The following MYCBP2 variants were observed in gnomAD, a reference collection of about 807,000 sequenced individuals.
MYCBP2 encodes the protein MYC binding protein 2, also known as E3 ubiquitin-protein ligase MYCBP2.
Under a neutral mutation model 525.3 loss-of-function variants are expected in MYCBP2, and 120 were observed. That is an observed-to-expected ratio of 0.23 (90% CI 0.20 to 0.27). The LOEUF (loss-of-function observed/expected upper bound fraction) is 0.27, where lower values mean the gene tolerates loss of function less well. MYCBP2 is among the 10% of genes least tolerant of loss of function. The probability of loss-of-function intolerance (pLI) is 1.00; values close to 1 mark genes in which losing one functional copy is unlikely to be tolerated. For synonymous variants in MYCBP2, 1,894 were observed against 1,955.8 expected (o/e 0.97, Z 0.83); for missense variants, 4,149 against 5,657.1 (o/e 0.73, Z 8.55).
chr13:77,230,692 C>G (rs2067006310), intron 18 of MYCBP2, among the ~76,000 whole-genome samples: 1 of 152,188 alleles, frequency 6.6e-6, no homozygotes, highest in Non-Finnish European at 1.5e-5. Flanking sequence ...AGCAAAGGTA[C>G]CTCAGCCACC....
chr13:77,282,554 A>G (rs1240724559), intron 3 of MYCBP2, among the ~76,000 whole-genome samples: 1 of 152,204 alleles, frequency 6.6e-6, no homozygotes, highest in Non-Finnish European at 1.5e-5. Flanking sequence ...TCAACTTTTC[A>G]AAGCTATTTT....
intron 1 of MYCBP2, among the ~76,000 whole-genome samples, chr13:77,315,711 G>A (rs541676885): frequency 1.3e-5 from 2 of 151,978 alleles, no homozygotes; most frequent in South Asian, 2.1e-4. Flanking sequence ...AGTGGCCAAC[G>A]TGGTGAAATC....
intron 55 of MYCBP2, among the ~76,000 whole-genome samples, chr13:77,119,557 C>CA (rs1028526342): frequency 6.6e-6 from 1 of 151,772 alleles, no homozygotes; most frequent in Non-Finnish European, 1.5e-5. Flanking sequence ...AAAAAACTTA[C>CA]AAAAAACAGC....
intron 54 of MYCBP2, among the ~76,000 whole-genome samples, chr13:77,124,955 G>C (rs1222522318): frequency 6.6e-6 from 1 of 152,178 alleles, no homozygotes; most frequent in Non-Finnish European, 1.5e-5. Context: ...GCAATCAAAT[G>C]AAGTTGCCTG....
chr13:77,095,283 G>A (rs1357422999), intron 58 of MYCBP2, 75 bp downstream of exon 58: 16 of 1,549,318 alleles, frequency 1.0e-5, no homozygotes, highest in Middle Eastern at 1.8e-4. Context: ...GTCAAATACC[G>A]AACTACCCTA....
chr13:77,307,286 CTCTT>C (rs986805050), intron 1 of MYCBP2, among the ~76,000 whole-genome samples: 3 of 152,134 alleles, frequency 2.0e-5, no homozygotes, highest in African/African-American at 2.4e-5. Context: ...ATACATCCCT[CTCTT>C]TGTTTACCCT....
chr13:77,325,832 T>C (rs2082223378), intron 1 of MYCBP2, among the ~76,000 whole-genome samples: 1 of 152,200 alleles, frequency 6.6e-6, no homozygotes, highest in South Asian at 2.1e-4. Context: ...TAAAAATCTC[T>C]ATCAGACACC....
intron 1 of MYCBP2, among the ~76,000 whole-genome samples, chr13:77,301,634 T>C (rs2078821897): frequency 6.6e-6 from 1 of 152,052 alleles, no homozygotes; most frequent in Non-Finnish European, 1.5e-5. Flanking sequence ...ATCATGTTCA[T>C]TCATACACAG....
At chr13:77,113,645 A>G (rs534561838) in intron 55 of MYCBP2, among the ~76,000 whole-genome samples, 1 of 152,274 alleles carries the variant, frequency 6.6e-6, no homozygotes, top group South Asian at 2.1e-4. Context: ...TGTAAGCAAC[A>G]TCAGCATTCT....
chr13:77,280,010 C>A (rs1390847865), intron 3 of MYCBP2, among the ~76,000 whole-genome samples: 1 of 152,172 alleles, frequency 6.6e-6, no homozygotes. Context: ...ACCTCCCATG[C>A]CTAGCCAATT....
intron 1 of MYCBP2, among the ~76,000 whole-genome samples, chr13:77,319,351 G>A (rs1244371491): frequency 1.3e-5 from 2 of 152,110 alleles, no homozygotes; most frequent in African/African-American, 4.8e-5. Context: ...GGGTTTTCAA[G>A]TGCACTCAGA....
At chr13:77,307,831 C>T (rs1049941475) in intron 1 of MYCBP2, among the ~76,000 whole-genome samples, 1 of 151,910 alleles carries the variant, frequency 6.6e-6, no homozygotes, top group Admixed American at 6.6e-5. Context: ...ACATCCCTGC[C>T]CCCTGTCCCG....
intron 31 of MYCBP2, among the ~76,000 whole-genome samples, chr13:77,185,585 ATTGCTTG>A (rs1364603288): frequency 1.3e-5 from 2 of 152,208 alleles, no homozygotes; most frequent in Non-Finnish European, 2.9e-5. Context: ...TTAAGTCCAA[ATTGCTTG>A]TTCAAAATAT....
chr13:77,141,286 A>G (rs1358095574), intron 49 of MYCBP2, among the ~76,000 whole-genome samples: 3 of 152,158 alleles, frequency 2.0e-5, no homozygotes, highest in Non-Finnish European at 2.9e-5. Flanking sequence ...ACCACTCATC[A>G]TCTCTACCAG....
At chr13:77,051,715 G>A (rs1168063320) in intron 81 of MYCBP2, 96 bp downstream of exon 81, 5 of 854,078 alleles carry the variant, frequency 5.9e-6, no homozygotes, top group South Asian at 1.9e-5. Context: ...ATACTGAGGA[G>A]AAAAGCCTGA....
chr13:77,088,242 A>G (rs1004838405), intron 61 of MYCBP2, among the ~76,000 whole-genome samples: 11 of 152,204 alleles, frequency 7.2e-5, no homozygotes, highest in Admixed American at 6.6e-4. Flanking sequence ...TCATTTTAAT[A>G]TTAATTTATT....
At chr13:77,230,590 A>G (rs984648717) in intron 18 of MYCBP2, among the ~76,000 whole-genome samples, 5 of 152,224 alleles carry the variant, frequency 3.3e-5, no homozygotes, top group Non-Finnish European at 5.9e-5. Flanking sequence ...TTGATATTTC[A>G]TATACAAATT....
intron 48 of MYCBP2, 63 bp downstream of exon 48, chr13:77,146,099 G>T: frequency 9.5e-7 from 1 of 1,056,498 alleles, no homozygotes; most frequent in Non-Finnish European, 1.4e-6. Context: ...AATGCAGGAT[G>T]ATTTTAGTTG....
intron 17 of MYCBP2, among the ~76,000 whole-genome samples, chr13:77,235,195 CAG>C (rs1312783193): frequency 1.3e-5 from 2 of 151,794 alleles, no homozygotes; most frequent in African/African-American, 4.8e-5. Context: ...GGGAAAAAAA[CAG>C]AAATAAAAAC....
Sources: allele counts gnomAD v4.1 joint callset (sites outside exome capture counted in the v4.1 genomes callset), GRCh38; gene constraint gnomAD v4.1.1; transcripts MANE v1.5; gene names NCBI Gene and HGNC (gene_info 2026-07-23, HGNC 2026-07-21).